FBXW12: variants seen among roughly 807,000 people sequenced by gnomAD.
FBXW12 encodes the protein F-box/WD repeat-containing protein 12.
A neutral mutation model predicts 55.3 loss-of-function variants in FBXW12; 43 were observed. The observed-to-expected ratio is 0.78, with a 90% CI of 0.61 to 1.00. FBXW12 has a LOEUF of 1.00. Ranked by LOEUF, FBXW12 falls within the 50% of genes least tolerant of loss-of-function variation. FBXW12 has a pLI of 0.00. For synonymous variants in FBXW12, 184 were observed against 203.8 expected, an observed-to-expected ratio of 0.90 and a Z score of 0.83; for missense variants, 524 against 560.5, an observed-to-expected ratio of 0.93 and a Z score of 0.66.
chr3:48,382,819 T>A (rs2036797007), intron 10 of FBXW12, among the ~76,000 whole-genome samples: 1 of 152,222 alleles, frequency 6.6e-6, no homozygotes, highest in Non-Finnish European at 1.5e-5. Context: ...TTCTTCCAGA[T>A]TATTGCTAGT....
At chr3:48,378,014 A>T (rs192442569) in intron 5 of FBXW12, among the ~76,000 whole-genome samples, 154 of 152,302 alleles carry the variant, frequency 1.0e-3, no homozygotes, top group Non-Finnish European at 1.3e-3. Flanking sequence ...ATTAGAAGGC[A>T]TGATAGAAAG....
intron 10 of FBXW12, among the ~76,000 whole-genome samples, chr3:48,385,319 A>G (rs1290413099): frequency 6.6e-6 from 1 of 151,232 alleles, no homozygotes; most frequent in African/African-American, 2.4e-5. Context: ...CTTCTTTTCT[A>G]AGGCTAAATG....
chr3:48,375,477 G>A lies in FBXW12; in HGVS notation c.405+5G>A. On this transcript the variant is annotated splice_donor_5th_base_variant and intron_variant, in intron 5 of 10. Transcript: ENST00000296438. ...TGTGCCTGGGATGTGCAAGAGGTGA[G>A]TCTGGCCAATATGTGGCAAAAGTAC... 1 of 1,553,968 alleles carries A rather than the reference G, an allele frequency of 6.4e-7. No homozygotes were observed. Among genetic ancestry groups the A allele is most frequent in the Non-Finnish European group, 8.8e-7 (1 of 1,134,760 alleles).
At chr3:48,385,506 A>G (rs2036837128) in intron 10 of FBXW12, among the ~76,000 whole-genome samples, 1 of 152,168 alleles carries the variant, frequency 6.6e-6, no homozygotes, top group Admixed American at 6.5e-5. Context: ...CATCTCTTCA[A>G]CACACCAATT....
intron 5 of FBXW12, among the ~76,000 whole-genome samples, chr3:48,376,506 A>AC (rs2036688434): frequency 6.6e-6 from 1 of 152,130 alleles, no homozygotes; most frequent in Non-Finnish European, 1.5e-5. Flanking sequence ...TTTATCTCAA[A>AC]ACTGAGTGTG....
chr3:48,385,205 C>T (rs2036829697), intron 10 of FBXW12, among the ~76,000 whole-genome samples: 1 of 152,152 alleles, frequency 6.6e-6, no homozygotes, highest in Non-Finnish European at 1.5e-5. Context: ...TAAGATGTCA[C>T]ACATAAGTGA....
rs556163089 is a variant in FBXW12 at position 48,384,391 on chromosome 3, G to A, written c.1295+2306G>A. Reference sequence around the variant, plus strand: ...CTTTTGTATATTGACCTTGTATCCCGCAACCTTGCTAAACTCATTCATTCT... The same window carrying A: ...CTTTTGTATATTGACCTTGTATCCCACAACCTTGCTAAACTCATTCATTCT... On this transcript the variant is annotated intron_variant, in intron 10 of 10. Coordinates refer to ENST00000296438, the MANE Select transcript of FBXW12 (RefSeq NM_207102.2). Among the ~76,000 whole-genome samples the A allele has an allele frequency of 1.2e-4, 18 of 152,094 alleles. No individual in the cohort carries two copies. In the South Asian group the frequency reaches 2.5e-3, roughly 21 times the overall value.
At chr3:48,380,619 TA>T in intron 7 of FBXW12, 82 bp from the exon 8 acceptor site, 1 of 1,010,124 alleles carries the variant, frequency 9.9e-7, no homozygotes. Context: ...TGAGAATTTC[TA>T]AGAAGGCTCT....
At chr3:48,394,467 A>T in intron 10 of FBXW12, 93 bp from the exon 11 acceptor site, 1 of 743,536 alleles carries the variant, frequency 1.3e-6, no homozygotes, top group Non-Finnish European at 2.3e-6. Flanking sequence ...TTTGGAAAGT[A>T]TTGATATCTT....
chr3:48,377,953 A>C (rs1255908832), intron 5 of FBXW12, among the ~76,000 whole-genome samples: 1 of 152,214 alleles, frequency 6.6e-6, no homozygotes, highest in African/African-American at 2.4e-5. Context: ...ACTGTGTCCT[A>C]GGCAGAATTC....
At chr3:48,387,182 T>C (rs2036858624) in intron 10 of FBXW12, among the ~76,000 whole-genome samples, 2 of 152,250 alleles carry the variant, frequency 1.3e-5, no homozygotes, top group South Asian at 4.1e-4. Flanking sequence ...GATTATCTAT[T>C]TTATGATGGG....
chr3:48,381,318 G>A (rs1339820256), intron 8 of FBXW12, among the ~76,000 whole-genome samples: 5 of 151,906 alleles, frequency 3.3e-5, no homozygotes, highest in South Asian at 2.1e-4. Flanking sequence ...CATCGCACCC[G>A]GCCAGGAGCA....
intron 10 of FBXW12, among the ~76,000 whole-genome samples, chr3:48,387,828 G>T (rs887915176): frequency 6.6e-6 from 1 of 152,268 alleles, no homozygotes; most frequent in East Asian, 1.9e-4. Context: ...GCCTCCCAAA[G>T]TTCTGGGATT....
intron 10 of FBXW12, 117 bp from the exon 11 acceptor site, chr3:48,394,443 G>A (rs1444488355): frequency 2.0e-5 from 13 of 644,848 alleles, no homozygotes; most frequent in Middle Eastern, 2.6e-4. Flanking sequence ...CTAAGAGCAC[G>A]AAGGACCAAT....
intron 7 of FBXW12, 140 bp from the exon 8 acceptor site, chr3:48,380,562 G>A (rs1256618649): frequency 1.6e-6 from 1 of 645,024 alleles, no homozygotes; most frequent in African/African-American, 1.8e-5. Flanking sequence ...GATAAGCAGT[G>A]ACCACTCATC....
At chr3:48,381,371 C>CT (rs2107162640) in intron 8 of FBXW12, among the ~76,000 whole-genome samples, 1 of 152,248 alleles carries the variant, frequency 6.6e-6, no homozygotes, top group South Asian at 2.1e-4. Flanking sequence ...CAGTTCGACT[C>CT]TAATACCCAT....
intron 10 of FBXW12, 141 bp downstream of exon 10, chr3:48,382,226 C>T (rs1415734543): frequency 3.3e-6 from 3 of 897,788 alleles, no homozygotes; most frequent in Non-Finnish European, 3.4e-6. Context: ...TAGCAATTCT[C>T]CTGCTTCAGC....
In FBXW12 at chr3:48,381,714, A is replaced by G. The variant is rs745670941; in HGVS notation, c.1000A>G (p.Ser334Gly). ...QTVIQAYEIA[S>G]FQVAAHLKCP... The stretch of plus-strand genomic sequence containing the variant: ...CATGAAAACAGCATATGAGATCGCA[A>G]GTTTCCAGGTGGCAGCTCATCTGAA... Residue 334 changes from serine (S) to glycine (G), a missense_variant, in exon 9 of 11, where the codon AGT becomes GGT. Transcript: ENST00000296438. The G allele has an allele frequency of 6.3e-7, 1 of 1,577,396 alleles. No homozygotes were observed. The highest frequency in any genetic ancestry group is 2.2e-5 in the East Asian group (1 of 44,458).
At chr3:48,375,502 C>T in intron 5 of FBXW12, 30 bp downstream of exon 5, 1 of 1,308,748 alleles carries the variant, frequency 7.6e-7, no homozygotes, top group South Asian at 1.3e-5. Context: ...GGCAAAAGTA[C>T]TGCATATTTG....
Sources: gnomAD v4.1 joint callset for allele counts (sites outside exome capture counted in the v4.1 genomes callset) on GRCh38, gnomAD v4.1.1 for gene constraint, MANE v1.5 for transcripts, NCBI Gene and HGNC (gene_info 2026-07-23, HGNC 2026-07-21) for gene names.